ZNF804A: variants seen among roughly 807,000 people sequenced by gnomAD.
ZNF804A encodes the protein zinc finger protein 804A.
A neutral mutation model predicts 16.5 loss-of-function variants in ZNF804A; 2 were observed. That is an observed-to-expected ratio of 0.12 (90% CI 0.05 to 0.38). The LOEUF is 0.38. Ranked by LOEUF, ZNF804A falls within the 10% of genes least tolerant of loss-of-function variation. The pLI, the probability that ZNF804A is intolerant of heterozygous loss-of-function variation, is 0.99. For missense variants in ZNF804A, 1,473 were observed against 1,390.7 expected, an observed-to-expected ratio of 1.06 and a Z score of -0.94; for synonymous variants, 534 against 489.6, an observed-to-expected ratio of 1.09 and a Z score of -1.20.
chr2:184,718,454 C>G (rs1046166615), intron 1 of ZNF804A, among the ~76,000 whole-genome samples: 1 of 152,152 alleles, frequency 6.6e-6, no homozygotes, highest in Non-Finnish European at 1.5e-5. Context: ...ACTCAAAAGT[C>G]CATAGCCCAA....
At chr2:184,750,837 CTGCT>C (rs1399756597) in intron 1 of ZNF804A, among the ~76,000 whole-genome samples, 3 of 151,280 alleles carry the variant, frequency 2.0e-5, no homozygotes, top group Non-Finnish European at 3.0e-5. Context: ...ACCACCTCTC[CTGCT>C]CCCCAAGACC....
chr2:184,676,916 T>A (rs189591747), intron 1 of ZNF804A, among the ~76,000 whole-genome samples: 1 of 151,818 alleles, frequency 6.6e-6, no homozygotes, highest in African/African-American at 2.4e-5. Flanking sequence ...AGGTTCAACA[T>A]AAATAAATTT....
chr2:184,926,553 T>C (rs1685615993), intron 2 of ZNF804A, among the ~76,000 whole-genome samples: 1 of 152,108 alleles, frequency 6.6e-6, no homozygotes. Context: ...TTTTTTTAGG[T>C]TTGGGGAGTT....
intron 1 of ZNF804A, among the ~76,000 whole-genome samples, chr2:184,741,283 A>G (rs1181426455): frequency 1.3e-5 from 2 of 152,194 alleles, no homozygotes; most frequent in African/African-American, 4.8e-5. Context: ...AGTAATAAAC[A>G]CTGAAGCTCT....
chr2:184,832,919 A>T (rs935094882), intron 1 of ZNF804A, among the ~76,000 whole-genome samples: 2 of 151,896 alleles, frequency 1.3e-5, no homozygotes, highest in Non-Finnish European at 2.9e-5. Context: ...CCAGAAATGG[A>T]GATGTTTAGA....
At chr2:184,625,623 G>T (rs545352555) in intron 1 of ZNF804A, among the ~76,000 whole-genome samples, 1 of 152,050 alleles carries the variant, frequency 6.6e-6, no homozygotes. Flanking sequence ...CATAAATCTT[G>T]TTTGAGGCTA....
chr2:184,630,934 G>T (rs191450690), intron 1 of ZNF804A, among the ~76,000 whole-genome samples: 2 of 152,096 alleles, frequency 1.3e-5, no homozygotes, highest in East Asian at 3.9e-4. Flanking sequence ...GTATTTTATG[G>T]TATTCTTCAG....
intron 2 of ZNF804A, among the ~76,000 whole-genome samples, chr2:184,895,133 T>C (rs944278208): frequency 6.6e-6 from 1 of 152,004 alleles, no homozygotes; most frequent in South Asian, 2.1e-4. Flanking sequence ...CTATTTATAA[T>C]ACACGAAACT....
intron 1 of ZNF804A, among the ~76,000 whole-genome samples, chr2:184,668,835 A>C (rs1692295044): frequency 6.6e-6 from 1 of 152,034 alleles, no homozygotes; most frequent in African/African-American, 2.4e-5. Flanking sequence ...ATAATTTATG[A>C]ATTTAATTCA....
At chr2:184,892,587 C>T (rs1008981645) in intron 2 of ZNF804A, among the ~76,000 whole-genome samples, 1 of 148,406 alleles carries the variant, frequency 6.7e-6, no homozygotes, top group African/African-American at 2.5e-5. Flanking sequence ...AAGGTTCAAG[C>T]GAACCTCCTG....
At chr2:184,624,754 T>G (rs1393489280) in intron 1 of ZNF804A, among the ~76,000 whole-genome samples, 2 of 152,160 alleles carry the variant, frequency 1.3e-5, no homozygotes, top group Non-Finnish European at 2.9e-5. Flanking sequence ...GCAACATTCT[T>G]GGTGAAAAGC....
chr2:184,710,343 T>G (rs1280682097), intron 1 of ZNF804A, among the ~76,000 whole-genome samples: 1 of 151,694 alleles, frequency 6.6e-6, no homozygotes, highest in African/African-American at 2.4e-5. Context: ...CAAGAAACCA[T>G]TCATTTACTT....
Position 184,748,549 on chromosome 2 carries a change from T to A in ZNF804A, c.112-117820T>A, listed in dbSNP as rs539019936. 3.3e-5 allele frequency among the ~76,000 whole-genome samples: 5 copies of A among 151,650 alleles called. No homozygotes were observed. In the South Asian group the frequency reaches 1.0e-3, roughly 31 times the overall value. On this transcript the variant is annotated intron_variant, in intron 1 of 3. Coordinates refer to ENST00000302277, the MANE Select transcript of ZNF804A (RefSeq NM_194250.2). ...TTGGACTTTTGACAGTTGCATAGCT[T>A]GTCAATATTTTCTCCCACCCTACAG... is the stretch of plus-strand genomic sequence containing the variant.
chr2:184,939,063 A>C lies in ZNF804A; in HGVS notation c.*37A>C, dbSNP rs1685852964. The C allele has an allele frequency of 6.3e-7, 1 of 1,597,434 alleles. No individual in the cohort carries two copies. The highest frequency in any genetic ancestry group is 8.5e-7 in the Non-Finnish European group (1 of 1,169,944). On this transcript the variant is annotated 3_prime_UTR_variant, in exon 4 of 4. Transcript: ENST00000302277. ...ATGGGAAAAAAATACTCTTGTGAAA[A>C]CTATTGCTATATGCGTTAAGTGTTC... is the stretch of plus-strand genomic sequence containing the variant.
intron 1 of ZNF804A, among the ~76,000 whole-genome samples, chr2:184,786,888 G>A (rs893206688): frequency 6.6e-6 from 1 of 151,802 alleles, no homozygotes; most frequent in African/African-American, 2.4e-5. Context: ...TAGAGAGTTT[G>A]CAAATATCTT....
At chr2:184,860,139 G>A (rs890399713) in intron 1 of ZNF804A, among the ~76,000 whole-genome samples, 2 of 152,194 alleles carry the variant, frequency 1.3e-5, no homozygotes, top group African/African-American at 4.8e-5. Context: ...ATACTATGGT[G>A]GGCCTTGGCC....
intron 2 of ZNF804A, among the ~76,000 whole-genome samples, chr2:184,916,919 G>T (rs377066930): frequency 3.7e-4 from 56 of 152,032 alleles, no homozygotes; most frequent in African/African-American, 1.3e-3. Flanking sequence ...TCTGTCAAAG[G>T]CTGATGCTGT....
rs372265526 is a variant in ZNF804A at position 184,873,101 on chromosome 2, G to A, written c.255+6589G>A. ...ACAAACAAAATCAATGTCAGATGAA[G>A]AGTTTAAAATTAAAGAGGTTAAAAT... is the stretch of plus-strand genomic sequence containing the variant. On this transcript the variant is annotated intron_variant, in intron 2 of 3. Transcript: ENST00000302277. Among the ~76,000 whole-genome samples the A allele has an allele frequency of 6.2e-3, 947 of 152,246 alleles. 14 individuals are homozygous for A. The highest frequency in any genetic ancestry group is 0.022 in the African/African-American group (904 of 41,546).
chr2:184,624,591 T>C (rs1279212998), intron 1 of ZNF804A, among the ~76,000 whole-genome samples: 1 of 152,154 alleles, frequency 6.6e-6, no homozygotes, highest in Admixed American at 6.5e-5. Flanking sequence ...GAATTATTCA[T>C]AACAGAGGTT....
Sources: allele counts gnomAD v4.1 joint callset (sites outside exome capture counted in the v4.1 genomes callset), GRCh38; gene constraint gnomAD v4.1.1; transcripts MANE v1.5; gene names NCBI Gene and HGNC (gene_info 2026-07-23, HGNC 2026-07-21).